SPRED2: variants seen among roughly 807,000 people sequenced by gnomAD.
The protein encoded by SPRED2 is sprouty-related, EVH1 domain-containing protein 2.
A neutral mutation model predicts 43.0 loss-of-function variants in SPRED2; 47 were observed. The ratio of observed to expected loss-of-function variants is 1.09; its 90% CI spans 0.87 to 1.40. The LOEUF is 1.40. SPRED2 is among the 40% of genes most tolerant of loss of function. The pLI is 0.00. For missense variants in SPRED2, 561 were observed against 586.4 expected, an observed-to-expected ratio of 0.96 and a Z score of 0.45; for synonymous variants, 225 against 225.7, an observed-to-expected ratio of 1.00 and a Z score of 0.03.
At chr2:65,395,150 G>C (rs186755393) in intron 1 of SPRED2, among the ~76,000 whole-genome samples, 1 of 152,046 alleles carries the variant, frequency 6.6e-6, no homozygotes, top group Admixed American at 6.5e-5. Flanking sequence ...ACTGGGCCTC[G>C]GATCTAAGTG....
chr2:65,348,294 T>C (rs1674409818), intron 1 of SPRED2, among the ~76,000 whole-genome samples: 1 of 152,176 alleles, frequency 6.6e-6, no homozygotes, highest in Admixed American at 6.5e-5. Context: ...CCCTCTTAAA[T>C]CTTCTCCCCT....
intron 1 of SPRED2, among the ~76,000 whole-genome samples, chr2:65,400,828 ACCCTG>A (rs1675868147): frequency 6.6e-6 from 1 of 151,962 alleles, no homozygotes; most frequent in African/African-American, 2.4e-5. Context: ...TGCGCCACCC[ACCCTG>A]GAAGGCAGTT....
At chr2:65,407,432 T>C (rs1572898585) in intron 1 of SPRED2, among the ~76,000 whole-genome samples, 1 of 151,766 alleles carries the variant, frequency 6.6e-6, no homozygotes, top group Non-Finnish European at 1.5e-5. Flanking sequence ...CTTCATCAAG[T>C]CAAGATTCAG....
At chr2:65,417,081 G>A (rs1462578677) in intron 1 of SPRED2, among the ~76,000 whole-genome samples, 5 of 151,880 alleles carry the variant, frequency 3.3e-5, no homozygotes, top group Admixed American at 1.3e-4. Context: ...TGCCAAAACC[G>A]CCACCCTTCC....
At chr2:65,415,717 AT>A (rs564902830) in intron 1 of SPRED2, among the ~76,000 whole-genome samples, 24 of 150,462 alleles carry the variant, frequency 1.6e-4, no homozygotes, top group Admixed American at 6.0e-4. Flanking sequence ...GCTGTAGGTG[AT>A]TTTTTTTTTA....
At position 65,313,558 on chromosome 2, in the gene SPRED2, G is replaced by A. The variant is rs760601910; in HGVS notation, c.1200C>T (p.Cys400=). The change falls in exon 6 of 6, where the codon TGC becomes TGT. Residue 400 remains cysteine (C), a synonymous_variant. Coordinates refer to ENST00000356388, the MANE Select transcript of SPRED2 (RefSeq NM_181784.3). ...CMCCYLPLRA[C]YHCGVMCRCC... ...ACCTGCACATCACTCCGCAGTGGTAGCAGGCCCGAAGGGGCAGGTAACAGC... is the reference window on the plus strand; with the variant it reads ...ACCTGCACATCACTCCGCAGTGGTAACAGGCCCGAAGGGGCAGGTAACAGC... 7.9e-5 allele frequency: 127 copies of A among 1,613,914 alleles called. 3 individuals are homozygous for A. In the South Asian group the frequency reaches 1.3e-3, roughly 17 times the overall value.
chr2:65,429,411 G>T (rs1167899795), intron 1 of SPRED2, among the ~76,000 whole-genome samples: 1 of 152,114 alleles, frequency 6.6e-6, no homozygotes, highest in Non-Finnish European at 1.5e-5. Flanking sequence ...GAAAAAAACA[G>T]ATCAAATTCA....
At position 65,313,782 on chromosome 2, in the gene SPRED2, A is replaced by G; in HGVS notation, c.976T>C (p.Cys326Arg). ...FNHEENRRGH[C>R]QDAPDSVRTC... is the part of the protein sequence containing the mutation. ...CTCACGGAGTCGGGCGCGTCCTGGC[A>G]GTGGCCCCGGCGGTTCTCCTCGTGG... Residue 326 changes from cysteine (C) to arginine (R), a missense_variant, in exon 6 of 6, where the codon TGC (cysteine) becomes CGC (arginine). Physicochemically the swap from Cys to Arg is radical, Grantham distance 180 (BLOSUM62 -3). This residue lies in a region of SPRED2 where 164 missense variants were observed against 164.1 expected (regional missense o/e 1.00). Coordinates refer to ENST00000356388, the MANE Select transcript of SPRED2 (RefSeq NM_181784.3). 6.2e-7 allele frequency: 1 copy of G among 1,614,150 alleles called. No homozygotes were observed. Among genetic ancestry groups the G allele is most frequent in the Non-Finnish European group, 8.5e-7 (1 of 1,180,030 alleles).
At chr2:65,333,052 G>A (rs112651516) in intron 3 of SPRED2, among the ~76,000 whole-genome samples, 349 of 152,232 alleles carry the variant, frequency 2.3e-3, no homozygotes, top group Middle Eastern at 0.01. Context: ...CAGATCACGA[G>A]GTCAGGAGTT....
At position 65,431,963 on chromosome 2, in the gene SPRED2, C is replaced by T; in HGVS notation, c.25G>A (p.Asp9Asn). The change falls in exon 1 of 6, where the codon GAT becomes AAT. Residue 9 changes from aspartate to asparagine, a missense_variant and splice_region_variant. By Grantham distance (23) the Asp-to-Asn change is conservative (BLOSUM62 1). Transcript: ENST00000356388. MTEETHPD[D>N]DSYIVRVKAV... is the part of the protein sequence containing the mutation. ...GTCCCACCCCGCGACCAAACTTACT[C>T]GTCTGGGTGTGTTTCTTCGGTCATT... The T allele has an allele frequency of 6.2e-7, 1 of 1,613,968 alleles. No individual in the cohort carries two copies. Among genetic ancestry groups the T allele is most frequent in the South Asian group, 1.1e-5 (1 of 91,082 alleles).
rs1185883853 is a variant in SPRED2, at chr2:65,334,605, C to A, written c.373G>T (p.Gly125Cys). 1.2e-6 allele frequency: 2 copies of A among 1,613,992 alleles called. No homozygotes were observed. Among genetic ancestry groups the A allele is most frequent in the African/African-American group, 1.3e-5 (1 of 75,042 alleles). ...AAGAATGCAGCGACAAGTTCAATACCTTCTATAAGGTCTTCGATTGCTTTC... is the reference window on the plus strand; with the variant it reads ...AAGAATGCAGCGACAAGTTCAATACATTCTATAAGGTCTTCGATTGCTTTC... The part of the protein sequence containing the change: ...VRKAIEDLIE[G>C]STTSSSTIHN... Residue 125 changes from glycine (G) to cysteine (C), a missense_variant and splice_region_variant, in exon 3 of 6, where the codon GGT (glycine) becomes TGT (cysteine). Coordinates refer to ENST00000356388, the MANE Select transcript of SPRED2 (RefSeq NM_181784.3).
intron 2 of SPRED2, among the ~76,000 whole-genome samples, chr2:65,341,346 G>A (rs1223180676): frequency 2.6e-5 from 4 of 151,892 alleles, no homozygotes; most frequent in Non-Finnish European, 5.9e-5. Context: ...GAAAAGGGGT[G>A]GGGAAATGGA....
chr2:65,360,113 A>C (rs1199060065), intron 1 of SPRED2, among the ~76,000 whole-genome samples: 2 of 149,398 alleles, frequency 1.3e-5, no homozygotes, highest in Admixed American at 6.7e-5. Context: ...AAAAAAAAAA[A>C]ACAAAGACCA....
intron 4 of SPRED2, among the ~76,000 whole-genome samples, chr2:65,320,255 A>T (rs1037640444): frequency 1.3e-5 from 2 of 152,238 alleles, no homozygotes; most frequent in African/African-American, 4.8e-5. Context: ...CTTAGTTCTC[A>T]GAAGCCCATT....
intron 4 of SPRED2, among the ~76,000 whole-genome samples, chr2:65,322,466 C>T (rs914447433): frequency 6.6e-6 from 1 of 150,834 alleles, no homozygotes; most frequent in Non-Finnish European, 1.5e-5. Flanking sequence ...GCTAATACTT[C>T]GTATTTTTAG....
chr2:65,428,453 CAG>C (rs1404314144), intron 1 of SPRED2, among the ~76,000 whole-genome samples: 12 of 152,202 alleles, frequency 7.9e-5, no homozygotes, highest in African/African-American at 2.9e-4. Flanking sequence ...ACAATTCAGG[CAG>C]AGTGTTAAAG....
At chr2:65,348,872 A>G (rs531247966) in intron 1 of SPRED2, among the ~76,000 whole-genome samples, 177 of 152,348 alleles carry the variant, frequency 1.2e-3, no homozygotes, top group African/African-American at 3.8e-3. Context: ...ATGAACCACA[A>G]TTACTAAATT....
At chr2:65,407,708 G>A (rs544801274) in intron 1 of SPRED2, among the ~76,000 whole-genome samples, 2 of 152,196 alleles carry the variant, frequency 1.3e-5, no homozygotes, top group African/African-American at 2.4e-5. Flanking sequence ...GTGGAGACGC[G>A]GTATCCACTC....
At chr2:65,412,679 C>G (rs1676190124) in intron 1 of SPRED2, among the ~76,000 whole-genome samples, 1 of 152,130 alleles carries the variant, frequency 6.6e-6, no homozygotes, top group East Asian at 1.9e-4. Context: ...GAAGACCCCC[C>G]ACCCCAAGAG....
Sources: gnomAD v4.1 joint callset for allele counts (sites outside exome capture counted in the v4.1 genomes callset) on GRCh38, gnomAD v4.1.1 for gene constraint, gnomAD v4.1.1 regional missense constraint, MANE v1.5 for transcripts, NCBI Gene and HGNC (gene_info 2026-07-23, HGNC 2026-07-21) for gene names.